Variants in BMERB1 observed in about 807,000 individuals in gnomAD.
BMERB1 encodes bMERB domain containing 1, also known as bMERB domain-containing protein 1.
Under a neutral mutation model 23.6 loss-of-function variants are expected in BMERB1, and 12 were observed. That is an observed-to-expected ratio of 0.51 (90% confidence interval 0.33 to 0.82). The LOEUF (loss-of-function observed/expected upper bound fraction) is 0.82. BMERB1 is among the 40% of genes least tolerant of loss of function. BMERB1 has a pLI of 0.03. For synonymous variants in BMERB1, 122 were observed against 96.6 expected (o/e 1.26, Z -1.54); for missense variants, 247 against 255.4 (o/e 0.97, Z 0.22).
At chr16:15,580,158 G>A (rs943384470) in intron 3 of BMERB1, among the ~76,000 whole-genome samples, 7 of 150,806 alleles carry the variant, frequency 4.6e-5, no homozygotes, top group African/African-American at 1.7e-4. Context: ...GTGCAATGGT[G>A]CAATCATAAC....
chr16:15,478,662 C>T (rs1280042648), intron 1 of BMERB1, among the ~76,000 whole-genome samples: 1 of 152,146 alleles, frequency 6.6e-6, no homozygotes, highest in Non-Finnish European at 1.5e-5. Context: ...TGTTGACATT[C>T]CCAATGACAG....
chr16:15,476,514 A>G (rs2051276235), intron 1 of BMERB1, among the ~76,000 whole-genome samples: 1 of 152,206 alleles, frequency 6.6e-6, no homozygotes, highest in South Asian at 2.1e-4. Context: ...GTTCAGCTTC[A>G]CAGTGAGCTT....
At chr16:15,482,145 G>T (rs1383167879) in intron 1 of BMERB1, among the ~76,000 whole-genome samples, 1 of 152,148 alleles carries the variant, frequency 6.6e-6, no homozygotes, top group Non-Finnish European at 1.5e-5. Flanking sequence ...GGTGCCTGCT[G>T]CTCCTTAGCC....
intron 1 of BMERB1, chr16:15,448,165 C>T: frequency 3.3e-6 from 1 of 304,280 alleles, no homozygotes; most frequent in South Asian, 2.8e-5. Context: ...GCTGGGATTA[C>T]AGACATGAGC....
intron 3 of BMERB1, among the ~76,000 whole-genome samples, chr16:15,579,859 C>T (rs1346002787): frequency 2.6e-5 from 4 of 152,186 alleles, no homozygotes. Context: ...TTTGTCATGA[C>T]CATTTACTGA....
chr16:15,462,141 T>G lies in BMERB1; in HGVS notation c.106+27382T>G, dbSNP rs1385919469. Among the ~76,000 whole-genome samples, 379 of 94,152 alleles carry G rather than the reference T, an allele frequency of 4.0e-3. 17 individuals carry two copies. The highest frequency in any genetic ancestry group is 0.015 in the African/African-American group (369 of 23,852). 61.8% of individuals were successfully genotyped at this position (94,152 alleles called of 152,430 possible). A position where few individuals can be genotyped will look rare whatever the true frequency, so the allele number is the denominator to read the frequency against. On this transcript the variant is annotated intron_variant, in intron 1 of 5. Coordinates refer to ENST00000300006, the MANE Select transcript of BMERB1 (RefSeq NM_033201.3). ...AAAGTTAACTGGATGTCCTGCCTTTTTTTTTTTTTTTTTTTTTTTTTTTTT... is the reference window on the plus strand; with the variant it reads ...AAAGTTAACTGGATGTCCTGCCTTTGTTTTTTTTTTTTTTTTTTTTTTTTT...
rs572674212 is a variant in BMERB1, at chr16:15,440,805, G to A, written c.106+6046G>A. Among the ~76,000 whole-genome samples, 29 of 152,240 alleles carry A rather than the reference G, an allele frequency of 1.9e-4. No homozygotes were observed. In the East Asian group the frequency reaches 2.7e-3, roughly 14 times the overall value. On this transcript the variant is annotated intron_variant, in intron 1 of 5. Coordinates refer to ENST00000300006, the MANE Select transcript of BMERB1 (RefSeq NM_033201.3). Reference sequence around the variant, plus strand: ...AAGTCCCTGCCCACATAAAGCTTCTGTTTAGGGGAAGTTAAGACCTGGGTT... The same window carrying A: ...AAGTCCCTGCCCACATAAAGCTTCTATTTAGGGGAAGTTAAGACCTGGGTT...
intron 1 of BMERB1, among the ~76,000 whole-genome samples, chr16:15,454,120 T>C (rs1033171348): frequency 3.3e-5 from 5 of 152,050 alleles, no homozygotes; most frequent in African/African-American, 1.2e-4. Context: ...TTTTTTCCTT[T>C]TAGAGTTTGA....
intron 1 of BMERB1, among the ~76,000 whole-genome samples, chr16:15,440,772 T>A (rs953982240): frequency 6.6e-6 from 1 of 152,182 alleles, no homozygotes; most frequent in Non-Finnish European, 1.5e-5. Flanking sequence ...TCTTGAGATT[T>A]CTCGACAAAG....
At chr16:15,581,186 A>G in intron 3 of BMERB1, 31 bp from the exon 4 acceptor site, 1 of 1,556,482 alleles carries the variant, frequency 6.4e-7, no homozygotes, top group South Asian at 1.2e-5. Flanking sequence ...CAAAATGCTC[A>G]TCTGTCTCCT....
chr16:15,483,539 C>G (rs536661490), intron 1 of BMERB1, among the ~76,000 whole-genome samples: 1 of 152,098 alleles, frequency 6.6e-6, no homozygotes, highest in South Asian at 2.1e-4. Context: ...ACCACCATAC[C>G]TGGCCAATTT....
intron 1 of BMERB1, among the ~76,000 whole-genome samples, chr16:15,458,203 G>C (rs1363374946): frequency 6.6e-6 from 1 of 152,144 alleles, no homozygotes; most frequent in Non-Finnish European, 1.5e-5. Context: ...TTTTGTGAAG[G>C]CAGCATATTA....
chr16:15,587,504 A>T lies in BMERB1; in HGVS notation c.*675A>T. 2.2e-6 allele frequency: 1 copy of T among 444,750 alleles called. No homozygotes were observed. Among genetic ancestry groups the T allele is most frequent in the Non-Finnish European group, 4.5e-6 (1 of 220,242 alleles). The allele number at this position is 444,750 out of a possible 1,614,324, so 27.6% of individuals were successfully genotyped here. A position where few individuals can be genotyped will look rare whatever the true frequency, so the allele number is the denominator to read the frequency against. ...GTCCATTGTGCTCTCAGTCTGCCTC[A>T]GGTGTGTGCCTGGAGGGGGCCTGGA... On this transcript the variant is annotated 3_prime_UTR_variant, in exon 6 of 6. Transcript: ENST00000300006.
At chr16:15,542,383 A>G (rs2052095207) in intron 2 of BMERB1, among the ~76,000 whole-genome samples, 1 of 151,876 alleles carries the variant, frequency 6.6e-6, no homozygotes, top group South Asian at 2.1e-4. Context: ...CCCTGTCTTT[A>G]TCACACATTT....
chr16:15,468,759 C>A (rs565460460), intron 1 of BMERB1, among the ~76,000 whole-genome samples: 1 of 152,022 alleles, frequency 6.6e-6, no homozygotes, highest in Non-Finnish European at 1.5e-5. Context: ...GAACTCTTTG[C>A]CCCCCTTTAG....
At chr16:15,484,677 C>G (rs2051352863) in intron 1 of BMERB1, among the ~76,000 whole-genome samples, 1 of 152,226 alleles carries the variant, frequency 6.6e-6, no homozygotes, top group Admixed American at 6.5e-5. Flanking sequence ...GCTGAGATTA[C>G]AGGCGTGAGC....
chr16:15,542,864 G>T (rs72770185), intron 2 of BMERB1, among the ~76,000 whole-genome samples: 10,560 of 152,108 alleles, frequency 0.069, 530 homozygotes, highest in Admixed American at 0.15. Context: ...GATTGGGGCT[G>T]GGGTGAGTGC....
chr16:15,434,696 A>C lies in BMERB1; in HGVS notation c.43A>C (p.Lys15Gln). 6.2e-7 allele frequency: 1 copy of C among 1,608,452 alleles called. No individual in the cohort carries two copies. Among genetic ancestry groups the C allele is most frequent in the Non-Finnish European group, 8.5e-7 (1 of 1,176,756 alleles). Reference sequence around the variant, plus strand: ...TTTGTCCACCCATCTGGAAGCCGAGAAGCCTCTGAGGCGCTATGGGGCGGT... The same window carrying C: ...TTTGTCCACCCATCTGGAAGCCGAGCAGCCTCTGAGGCGCTATGGGGCGGT... ...QSLSTHLEAEKPLRRYGAVEE... is the reference protein window; with the variant it reads ...QSLSTHLEAEQPLRRYGAVEE... Residue 15 changes from lysine (K) to glutamine (Q), a missense_variant, in exon 1 of 6, where the codon AAG becomes CAG. Lys to Gln is a moderately conservative substitution (Grantham distance 53). Transcript: ENST00000300006.
At chr16:15,477,210 C>T (rs2051281932) in intron 1 of BMERB1, among the ~76,000 whole-genome samples, 1 of 152,098 alleles carries the variant, frequency 6.6e-6, no homozygotes, top group Non-Finnish European at 1.5e-5. Flanking sequence ...GTGTGGAAGG[C>T]ACCTCTTCAT....
Sources: gnomAD v4.1 joint callset for allele counts (sites outside exome capture counted in the v4.1 genomes callset) on GRCh38, gnomAD v4.1.1 for gene constraint, MANE v1.5 for transcripts, NCBI Gene and HGNC (gene_info 2026-07-23, HGNC 2026-07-21) for gene names.